Variants in RBFOX3 observed in about 807,000 individuals in gnomAD.
RBFOX3 encodes the protein RNA binding protein fox-1 homolog 3.
In RBFOX3, 17 loss-of-function variants were observed where a neutral mutation model predicts 48.7. The ratio of observed to expected loss-of-function variants is 0.35; its 90% CI spans 0.24 to 0.52. RBFOX3 has a LOEUF of 0.52. Ranked by LOEUF, RBFOX3 falls within the 20% of genes least tolerant of loss-of-function variation. RBFOX3 has a pLI of 0.94. For missense variants in RBFOX3, 382 were observed against 497.5 expected (o/e 0.77, Z 2.21); for synonymous variants, 212 against 209.5 (o/e 1.01, Z -0.10).
chr17:79,487,330 A>T (rs2079769870), intron 1 of RBFOX3, among the ~76,000 whole-genome samples: 1 of 152,208 alleles, frequency 6.6e-6, no homozygotes, highest in South Asian at 2.1e-4. Context: ...GGCCCCGACG[A>T]CCTTGGACTC....
intron 5 of RBFOX3, among the ~76,000 whole-genome samples, chr17:79,109,639 G>A (rs2029966920): frequency 6.6e-6 from 1 of 152,224 alleles, no homozygotes; most frequent in African/African-American, 2.4e-5. Context: ...GACAGGCGTG[G>A]GTCTTTCCTC....
chr17:79,127,112 A>C (rs891569187), intron 4 of RBFOX3, among the ~76,000 whole-genome samples: 11 of 152,216 alleles, frequency 7.2e-5, no homozygotes, highest in Non-Finnish European at 4.4e-5. Context: ...CAAGAGTCAC[A>C]GGCAAATGGC....
Position 79,324,711 on chromosome 17 carries a change from G to A in RBFOX3, c.-174-16887C>T, listed in dbSNP as rs112545721. On this transcript the variant is annotated intron_variant, in intron 2 of 14. Transcript: ENST00000693108. ...CCCTTGGAGTGGGGAGCCTGGATAG[G>A]GGAGAGCAGGCAGCCTTCCTGCTGC... 3.8e-3 allele frequency among the ~76,000 whole-genome samples: 580 copies of A among 152,314 alleles called. 2 individuals carry two copies. Among genetic ancestry groups the A allele is most frequent in the African/African-American group, 0.013 (555 of 41,578 alleles).
chr17:79,176,878 G>A (rs1234482067), intron 4 of RBFOX3, among the ~76,000 whole-genome samples: 1 of 152,216 alleles, frequency 6.6e-6, no homozygotes, highest in East Asian at 1.9e-4. Flanking sequence ...AAAGGCAGAA[G>A]AAAAAGGGTT....
intron 4 of RBFOX3, among the ~76,000 whole-genome samples, chr17:79,228,734 C>A (rs2147691016): frequency 6.6e-6 from 1 of 152,292 alleles, no homozygotes; most frequent in South Asian, 2.1e-4. Context: ...TGGGTTAACC[C>A]TTTGTGGTCA....
chr17:79,107,088 C>T (rs923050087), intron 5 of RBFOX3, among the ~76,000 whole-genome samples: 3 of 152,246 alleles, frequency 2.0e-5, no homozygotes, highest in Admixed American at 6.5e-5. Flanking sequence ...TCCCCGCTCC[C>T]GCAGCCCAGG....
chr17:79,513,831 TG>T (rs1387187211), intron 1 of RBFOX3, among the ~76,000 whole-genome samples: 4 of 152,154 alleles, frequency 2.6e-5, no homozygotes, highest in African/African-American at 9.7e-5. Flanking sequence ...CCTGGGTCTA[TG>T]GGGGCCCGCG....
chr17:79,487,010 T>TC, intron 1 of RBFOX3, among the ~76,000 whole-genome samples: 1 of 152,174 alleles, frequency 6.6e-6, no homozygotes, highest in Non-Finnish European at 1.5e-5. Flanking sequence ...TGGACTGCTA[T>TC]AAAGTGTCCT....
At chr17:79,464,376 C>G (rs1195685179) in intron 2 of RBFOX3, among the ~76,000 whole-genome samples, 1 of 152,254 alleles carries the variant, frequency 6.6e-6, no homozygotes, top group East Asian at 1.9e-4. Flanking sequence ...GCCCAAGGTG[C>G]CGTCCATCAA....
Position 79,321,635 on chromosome 17 carries a change from G to A in RBFOX3, c.-174-13811C>T, listed in dbSNP as rs1271541425. Among the ~76,000 whole-genome samples, 5 of 151,986 alleles carry A rather than the reference G, an allele frequency of 3.3e-5. No individual in the cohort carries two copies. In the East Asian group the frequency reaches 7.7e-4, roughly 23 times the overall value. On this transcript the variant is annotated intron_variant, in intron 2 of 14. Transcript: ENST00000693108. ...GCAGTGAGTCTTCAGCAGGCACAGA[G>A]GACCCCATAAGGTGCACAGTACAGG...
intron 1 of RBFOX3, among the ~76,000 whole-genome samples, chr17:79,530,031 C>A (rs1351300135): frequency 2.0e-5 from 3 of 152,206 alleles, no homozygotes; most frequent in East Asian, 3.9e-4. Flanking sequence ...AGTTCGCCGA[C>A]CCCTGCTTCA....
intron 4 of RBFOX3, among the ~76,000 whole-genome samples, chr17:79,119,925 A>T (rs886572640): frequency 5.3e-5 from 8 of 152,210 alleles, no homozygotes; most frequent in African/African-American, 1.9e-4. Context: ...GCCCTGGTGG[A>T]GAGCCCCAGA....
At chr17:79,415,187 C>G (rs1456034658) in intron 2 of RBFOX3, among the ~76,000 whole-genome samples, 1 of 152,188 alleles carries the variant, frequency 6.6e-6, no homozygotes, top group African/African-American at 2.4e-5. Context: ...TGCCGAGGTA[C>G]CTGGGCCGAG....
intron 2 of RBFOX3, among the ~76,000 whole-genome samples, chr17:79,468,719 T>TAGAA (rs1287587570): frequency 8.4e-6 from 1 of 119,252 alleles, no homozygotes. Context: ...AATGGATGCA[T>TAGAA]AGATAGATAG....
At chr17:79,409,726 C>T (rs74995631) in intron 2 of RBFOX3, among the ~76,000 whole-genome samples, 12,924 of 152,240 alleles carry the variant, frequency 0.085, 679 homozygotes, top group Non-Finnish European at 0.12. Flanking sequence ...CTGGGGTCCC[C>T]GTATTCCCAC....
chr17:79,173,233 T>A (rs1350504332), intron 4 of RBFOX3, among the ~76,000 whole-genome samples: 1 of 152,062 alleles, frequency 6.6e-6, no homozygotes, highest in Non-Finnish European at 1.5e-5. Context: ...CATACATACA[T>A]ACATACGTAC....
At chr17:79,399,332 G>A (rs762132184) in intron 2 of RBFOX3, among the ~76,000 whole-genome samples, 2 of 152,244 alleles carry the variant, frequency 1.3e-5, no homozygotes, top group Admixed American at 1.3e-4. Flanking sequence ...GGGAGGCAAA[G>A]GTGCGTGCCC....
chr17:79,575,434 G>T (rs2092826743), intron 1 of RBFOX3, among the ~76,000 whole-genome samples: 1 of 152,202 alleles, frequency 6.6e-6, no homozygotes, highest in African/African-American at 2.4e-5. Flanking sequence ...GTGGGTCGAG[G>T]TGCAGGGGCA....
intron 4 of RBFOX3, among the ~76,000 whole-genome samples, chr17:79,197,121 A>T (rs2055757176): frequency 1.3e-5 from 2 of 150,556 alleles, no homozygotes; most frequent in Non-Finnish European, 3.0e-5. Context: ...ACGCGTGGGT[A>T]AAATGGAAGG....
Sources: allele counts gnomAD v4.1 joint callset (sites outside exome capture counted in the v4.1 genomes callset), GRCh38; gene constraint gnomAD v4.1.1; transcripts MANE v1.5; gene names NCBI Gene and HGNC (gene_info 2026-07-23, HGNC 2026-07-21).